Variants in MCC observed in about 807,000 individuals in gnomAD.
The protein encoded by MCC is colorectal mutant cancer protein.
MCC carries 90 observed loss-of-function variants against 116.2 expected under a neutral mutation model. The ratio of observed to expected loss-of-function variants is 0.77; its 90% CI spans 0.65 to 0.92. The LOEUF (loss-of-function observed/expected upper bound fraction) is 0.92. Among genes scored for constraint, MCC ranks in the 40% least tolerant of loss-of-function variants. The pLI, the probability that MCC is intolerant of heterozygous loss-of-function variation, is 0.00. For missense variants in MCC, 1,516 were observed against 1,312.2 expected, an observed-to-expected ratio of 1.16 and a Z score of -2.40; for synonymous variants, 578 against 510.5, an observed-to-expected ratio of 1.13 and a Z score of -1.78.
chr5:113,062,570 A>C (rs1753297382), intron 14 of MCC, among the ~76,000 whole-genome samples: 1 of 152,250 alleles, frequency 6.6e-6, no homozygotes, highest in African/African-American at 2.4e-5. Context: ...TGAGAACTAC[A>C]TTTCTATACT....
At chr5:113,235,539 G>C (rs191286238) in intron 3 of MCC, among the ~76,000 whole-genome samples, 1 of 152,282 alleles carries the variant, frequency 6.6e-6, no homozygotes, top group East Asian at 1.9e-4. Context: ...ATGCATACAG[G>C]AACTGAGTGG....
chr5:113,372,987 G>T (rs1301690246), intron 2 of MCC, among the ~76,000 whole-genome samples: 1 of 152,062 alleles, frequency 6.6e-6, no homozygotes, highest in African/African-American at 2.4e-5. Context: ...GACCATCCTG[G>T]CTAACACCAT....
intron 16 of MCC, among the ~76,000 whole-genome samples, chr5:113,045,296 G>T (rs948139257): frequency 2.6e-5 from 4 of 152,154 alleles, no homozygotes; most frequent in African/African-American, 9.7e-5. Context: ...TGTGCTAGTT[G>T]GAGGGAAGCT....
intron 3 of MCC, among the ~76,000 whole-genome samples, chr5:113,236,116 T>C (rs1198662000): frequency 6.6e-6 from 1 of 152,082 alleles, no homozygotes; most frequent in Non-Finnish European, 1.5e-5. Context: ...AGATCCTCTT[T>C]TAAAGGCTCT....
intron 6 of MCC, among the ~76,000 whole-genome samples, chr5:113,117,532 T>C (rs976646905): frequency 2.0e-5 from 3 of 152,236 alleles, no homozygotes; most frequent in African/African-American, 7.2e-5. Flanking sequence ...AATAGTTTGA[T>C]ATTGCTAAAT....
chr5:113,092,440 A>G (rs1017919458), intron 8 of MCC, among the ~76,000 whole-genome samples: 1 of 152,200 alleles, frequency 6.6e-6, no homozygotes, highest in Non-Finnish European at 1.5e-5. Flanking sequence ...AATGAGATGC[A>G]TTTTGGACTT....
chr5:113,443,352 C>T (rs6861940), intron 1 of MCC, among the ~76,000 whole-genome samples: 4,786 of 152,260 alleles, frequency 0.031, 119 homozygotes, highest in African/African-American at 0.065. Context: ...GATTTTCTAT[C>T]CCGAGACACT....
chr5:113,385,797 T>C (rs948759743), intron 1 of MCC, among the ~76,000 whole-genome samples: 1 of 152,118 alleles, frequency 6.6e-6, no homozygotes, highest in Non-Finnish European at 1.5e-5. Flanking sequence ...CCACAAGCAA[T>C]CAGTGAGCCC....
At chr5:113,030,316 A>G (rs1030929818) in intron 17 of MCC, among the ~76,000 whole-genome samples, 4 of 152,182 alleles carry the variant, frequency 2.6e-5, no homozygotes, top group Non-Finnish European at 4.4e-5. Context: ...AAAGGGAGAC[A>G]AGCAGGGAAC....
At chr5:113,457,165 C>T (rs900999477) in intron 1 of MCC, among the ~76,000 whole-genome samples, 9 of 152,192 alleles carry the variant, frequency 5.9e-5, no homozygotes, top group Non-Finnish European at 1.2e-4. Flanking sequence ...GAGCGGGAAC[C>T]GGGGCTGCCT....
At chr5:113,264,296 C>G (rs1054134730) in intron 3 of MCC, among the ~76,000 whole-genome samples, 11 of 152,146 alleles carry the variant, frequency 7.2e-5, no homozygotes, top group African/African-American at 2.7e-4. Flanking sequence ...ACGGCATCTG[C>G]CTCCCTCCCC....
chr5:113,107,524 C>A (rs1756818301), intron 6 of MCC, among the ~76,000 whole-genome samples: 1 of 152,086 alleles, frequency 6.6e-6, no homozygotes, highest in African/African-American at 2.4e-5. Flanking sequence ...TGCAGAGGCC[C>A]TTTGGAGATG....
chr5:113,144,527 C>T (rs192361720), intron 4 of MCC, among the ~76,000 whole-genome samples: 123 of 152,314 alleles, frequency 8.1e-4, no homozygotes, highest in Non-Finnish European at 1.4e-3. Flanking sequence ...CTCCCCTGTC[C>T]CTCCCTAAAT....
chr5:113,461,984 C>T lies in MCC; in HGVS notation c.170+26261G>A, dbSNP rs113399090. Reference sequence around the variant, plus strand: ...TACATATGAATATGTCTTTAGGACACTGTGAATGTAAGTCTGACTGGTAAA... The same window carrying T: ...TACATATGAATATGTCTTTAGGACATTGTGAATGTAAGTCTGACTGGTAAA... On this transcript the variant is annotated intron_variant, in intron 1 of 18. Coordinates refer to ENST00000408903, the MANE Select transcript of MCC (RefSeq NM_001085377.2). Among the ~76,000 whole-genome samples the T allele has an allele frequency of 9.7e-4, 148 of 152,290 alleles. 4 individuals are homozygous for T. Among genetic ancestry groups the T allele is most frequent in the African/African-American group, 3.3e-3 (139 of 41,558 alleles).
chr5:113,354,740 T>A (rs1001628114), intron 2 of MCC, among the ~76,000 whole-genome samples: 1 of 147,280 alleles, frequency 6.8e-6, no homozygotes, highest in Non-Finnish European at 1.5e-5. Flanking sequence ...GGCCCCTTTT[T>A]CTTTTAGACT....
intron 3 of MCC, among the ~76,000 whole-genome samples, chr5:113,181,832 G>A (rs767572442): frequency 5.9e-5 from 9 of 152,216 alleles, no homozygotes; most frequent in Non-Finnish European, 1.0e-4. Flanking sequence ...GCTGAAGTAT[G>A]AGTGAGTCTC....
chr5:113,416,879 T>C (rs1362486253), intron 1 of MCC, among the ~76,000 whole-genome samples: 2 of 152,154 alleles, frequency 1.3e-5, no homozygotes, highest in African/African-American at 2.4e-5. Context: ...TTGTCAACAA[T>C]TTGCAAATTA....
chr5:113,091,219 G>A (rs1755613615), intron 8 of MCC, among the ~76,000 whole-genome samples: 1 of 152,160 alleles, frequency 6.6e-6, no homozygotes, highest in Non-Finnish European at 1.5e-5. Context: ...GCATACTGTG[G>A]GACTCCAAAC....
chr5:113,202,686 A>G (rs1762735098), intron 3 of MCC, among the ~76,000 whole-genome samples: 1 of 151,908 alleles, frequency 6.6e-6, no homozygotes, highest in African/African-American at 2.4e-5. Flanking sequence ...GAGATGAGAC[A>G]GTTTATCAGA....
Sources: allele counts gnomAD v4.1 joint callset (sites outside exome capture counted in the v4.1 genomes callset), GRCh38; gene constraint gnomAD v4.1.1; transcripts MANE v1.5; gene names NCBI Gene and HGNC (gene_info 2026-07-23, HGNC 2026-07-21).